The following ATP13A2 variants were observed in gnomAD, a reference collection of about 807,000 sequenced individuals.
ATP13A2 encodes the protein ATPase cation transporting 13A2, also known as polyamine-transporting ATPase 13A2.
ATP13A2 carries 83 observed loss-of-function variants against 138.3 expected under a neutral mutation model. That is an observed-to-expected ratio of 0.60 (90% CI 0.50 to 0.72). ATP13A2 has a LOEUF of 0.72. Among genes scored for constraint, ATP13A2 ranks in the 30% least tolerant of loss-of-function variants. The pLI, the probability that ATP13A2 is intolerant of heterozygous loss-of-function variation, is 0.00. For synonymous variants in ATP13A2, 663 were observed against 699.0 expected, an observed-to-expected ratio of 0.95 and a Z score of 0.81; for missense variants, 1,402 against 1,606.4, an observed-to-expected ratio of 0.87 and a Z score of 2.17.
chr1:16,998,307 C>T (rs2077219067), intron 11 of ATP13A2, among the ~76,000 whole-genome samples: 2 of 152,104 alleles, frequency 1.3e-5, no homozygotes, highest in Non-Finnish European at 1.5e-5. Flanking sequence ...TAGGCTCAAA[C>T]GATCCTCCCA....
At position 17,011,802 on chromosome 1, in the gene ATP13A2, G is replaced by T. The variant is rs1043446155; in HGVS notation, c.-64C>A. The T allele has an allele frequency of 3.9e-6, 5 of 1,268,990 alleles. No individual in the cohort carries two copies. In the African/African-American group the frequency reaches 8.0e-5, roughly 20 times the overall value. The allele number at this position is 1,268,990 out of a possible 1,614,324, so 78.6% of individuals were successfully genotyped here. On this transcript the variant is annotated 5_prime_UTR_variant, in exon 1 of 29. Coordinates refer to ENST00000326735, the MANE Select transcript of ATP13A2 (RefSeq NM_022089.4). This position sits in a 1 kb window ranked among gnomAD's most constrained non-coding sequence, Gnocchi z 7.3. ...GCCCTCGGCCTGGGCCCCGGCGTGC[G>T]CAAGGCCCTGGGCGGGGGCGCGGTC... is the stretch of plus-strand genomic sequence containing the variant.
At chr1:17,003,798 G>T (rs2077453303) in intron 6 of ATP13A2, among the ~76,000 whole-genome samples, 2 of 151,796 alleles carry the variant, frequency 1.3e-5, no homozygotes, top group Non-Finnish European at 2.9e-5. Context: ...CAAGTAGCTG[G>T]GATTACAGGC....
chr1:16,988,278 C>T, intron 24 of ATP13A2, 44 bp from the exon 25 acceptor site: 1 of 1,614,174 alleles, frequency 6.2e-7, no homozygotes. Flanking sequence ...GGTTGGCTGA[C>T]CAGCCCTGCT....
In ATP13A2 at chr1:16,989,932, G is replaced by T; in HGVS notation, c.2484C>A (p.Pro828=). The T allele has an allele frequency of 6.2e-7, 1 of 1,601,072 alleles. No individual in the cohort carries two copies. Among genetic ancestry groups the T allele is most frequent in the Non-Finnish European group, 8.5e-7 (1 of 1,173,782 alleles). ...PRSRHLALSG[P]TFGIIVKHFP... ...AGTGCTTCACAATGATACCAAAGGT[G>T]GGCCCGCTGAGGGCCAGGTGCCTGG... The change falls in exon 22 of 29, where the codon CCC becomes CCA. Residue 828 remains proline (P), a synonymous_variant. Coordinates refer to ENST00000326735, the MANE Select transcript of ATP13A2 (RefSeq NM_022089.4).
rs778906228 is a variant in ATP13A2, at chr1:16,989,740, T to C, written c.2560A>G (p.Met854Val). ...AGCTCTGTCTTCTGCTCAGGGGCCATGCGGGCAAAGACAGTGCCCTGGACC... is the reference window on the plus strand; with the variant it reads ...AGCTCTGTCTTCTGCTCAGGGGCCACGCGGGCAAAGACAGTGCCCTGGACC... ...VLVQGTVFAR[M>V]APEQKTELVC... Residue 854 changes from methionine to valine, a missense_variant, in exon 23 of 29, where the codon ATG becomes GTG. By Grantham distance (21) the Met-to-Val change is conservative. Transcript: ENST00000326735. 2 of 1,614,024 alleles carry C rather than the reference T, an allele frequency of 1.2e-6. No homozygotes were observed. Among genetic ancestry groups the C allele is most frequent in the Admixed American group, 1.7e-5 (1 of 60,016 alleles).
Position 17,005,392 on chromosome 1 carries a change from G to A in ATP13A2, c.270C>T (p.Ile90=), listed in dbSNP as rs1348572920. Residue 90 remains isoleucine, a synonymous_variant, in exon 3 of 29, where the codon ATC becomes ATT. Transcript: ENST00000326735. ...CNLAHAETLV[I]EIRDKEDSSW... is the part of the protein sequence containing the mutation. ...CTCTCACCTCTTTGTCTCTTATTTCGATAACGAGTGTTTCGGCGTGGGCCA... is the reference window on the plus strand; with the variant it reads ...CTCTCACCTCTTTGTCTCTTATTTCAATAACGAGTGTTTCGGCGTGGGCCA... The A allele has an allele frequency of 1.2e-6, 2 of 1,606,296 alleles. No homozygotes were observed. The highest frequency in any genetic ancestry group is 1.1e-5 in the South Asian group (1 of 90,172).
intron 11 of ATP13A2, among the ~76,000 whole-genome samples, chr1:16,998,938 CCT>C (rs2077239281): frequency 6.6e-6 from 1 of 152,090 alleles, no homozygotes. Context: ...CACCTCACAC[CCT>C]TCACAGTGGC....
rs774924482 is a variant in ATP13A2, at chr1:16,989,881, C to T, written c.2529+6G>A. 4 of 1,606,328 alleles carry T rather than the reference C, an allele frequency of 2.5e-6. No individual in the cohort carries two copies. The highest frequency in any genetic ancestry group is 1.1e-5 in the South Asian group (1 of 90,362). On this transcript the variant is annotated splice_donor_region_variant and intron_variant, in intron 22 of 28. Coordinates refer to ENST00000326735, the MANE Select transcript of ATP13A2 (RefSeq NM_022089.4). ...AGGGCGGCCAGGGAGCTGGGGGCGG[C>T]CCTACCTTGGGCAGCAGCTTGGGGA...
chr1:16,999,875 T>C, intron 11 of ATP13A2, 136 bp downstream of exon 11: 5 of 1,267,436 alleles, frequency 3.9e-6, no homozygotes, highest in Non-Finnish European at 5.3e-6. Context: ...CACTCCAGCC[T>C]GGACAACAGA....
intron 11 of ATP13A2, among the ~76,000 whole-genome samples, chr1:16,997,441 G>T (rs1404480939): frequency 7.3e-6 from 1 of 137,678 alleles, no homozygotes; most frequent in Non-Finnish European, 1.5e-5. Context: ...GACAGAGCAT[G>T]TGTGGGCATC....
At position 16,992,565 on chromosome 1, in the gene ATP13A2, G is replaced by T. The variant is rs758992649; in HGVS notation, c.1766C>A (p.Pro589Gln). Reference sequence around the variant, plus strand: ...GGTCCCAAATGCTGAGTCTGCAGCCGGCTCTTCCTCCAGGACCTGGCAGGC... The same window carrying T: ...GGTCCCAAATGCTGAGTCTGCAGCCTGCTCTTCCTCCAGGACCTGGCAGGC... ...ESTGWVLEEE[P>Q]AADSAFGTQV... Residue 589 changes from proline to glutamine, a missense_variant, in exon 17 of 29, where the codon CCG becomes CAG. Transcript: ENST00000326735. 1 of 1,614,098 alleles carries T rather than the reference G, an allele frequency of 6.2e-7. No homozygotes were observed. The highest frequency in any genetic ancestry group is 8.5e-7 in the Non-Finnish European group (1 of 1,180,030).
rs1038804165 is a variant in ATP13A2 at position 17,009,520 on chromosome 1, C to T, written c.10+2209G>A. Among the ~76,000 whole-genome samples the T allele has an allele frequency of 1.8e-4, 27 of 151,798 alleles. 1 individual carries two copies. Among genetic ancestry groups the T allele is most frequent in the East Asian group, 1.2e-3 (6 of 5,150 alleles). ...AAAGGAGGTACTCTTGCCTCTGCCT[C>T]CCAAGTAGCTGGCACTACAGGCAGG... On this transcript the variant is annotated intron_variant, in intron 1 of 28. Coordinates refer to ENST00000326735, the MANE Select transcript of ATP13A2 (RefSeq NM_022089.4).
chr1:16,993,293 G>C (rs773829828), intron 16 of ATP13A2, among the ~76,000 whole-genome samples: 3 of 152,158 alleles, frequency 2.0e-5, no homozygotes, highest in African/African-American at 7.2e-5. Flanking sequence ...ACAGCTCCCT[G>C]TAGCCTCGCC....
In ATP13A2 at chr1:17,000,109, G is replaced by T; in HGVS notation, c.941C>A (p.Pro314His). The T allele has an allele frequency of 6.2e-7, 1 of 1,613,490 alleles. No individual in the cohort carries two copies. Among genetic ancestry groups the T allele is most frequent in the South Asian group, 1.1e-5 (1 of 91,070 alleles). ...EEWVDSSELV[P>H]GDCLVLPQEG... is the part of the protein sequence containing the mutation. ...CTGGGGCAGCACCAGGCAGTCTCCG[G>T]GCACTAGCTCACTGGAGTCCACCCA... Residue 314 changes from proline to histidine, a missense_variant, in exon 11 of 29, where the codon CCC (proline) becomes CAC (histidine). By Grantham distance (77) the Pro-to-His change is moderately conservative. Coordinates refer to ENST00000326735, the MANE Select transcript of ATP13A2 (RefSeq NM_022089.4).
chr1:16,995,795 G>A lies in ATP13A2; in HGVS notation c.1542+181C>T. 1 of 794,622 alleles carries A rather than the reference G, an allele frequency of 1.3e-6. No homozygotes were observed. Among genetic ancestry groups the A allele is most frequent in the Non-Finnish European group, 2.1e-6 (1 of 472,262 alleles). The allele number at this position is 794,622 out of a possible 1,614,324, so 49.2% of individuals were successfully genotyped here. On this transcript the variant is annotated intron_variant, in intron 15 of 28. Transcript: ENST00000326735. The surrounding 1 kb of genome is among the most constrained non-coding windows in gnomAD (Gnocchi z 4.1). ...ATACATGATTCTAGACATTTCATCT[G>A]CCAGACCGTGAGCCCAGTGAGGGCA...
chr1:17,000,851 A>G, intron 8 of ATP13A2: 1 of 330,878 alleles, frequency 3.0e-6, no homozygotes, highest in Non-Finnish European at 5.7e-6. Flanking sequence ...CTGAGGTGGG[A>G]GGATCACTTA....
rs183842297 is a variant in ATP13A2 at position 16,993,861 on chromosome 1, G to C, written c.1543-26C>G. ...CTGTGGGAGACAGGTGGGTGGGGCA[G>C]CGATGAGTCCTGGGATGGGGGTACC... On this transcript the variant is annotated intron_variant, in intron 15 of 28. Coordinates refer to ENST00000326735, the MANE Select transcript of ATP13A2 (RefSeq NM_022089.4). 235 of 1,530,322 alleles carry C rather than the reference G, an allele frequency of 1.5e-4. 2 individuals carry two copies. In the East Asian group the frequency reaches 4.7e-3, roughly 31 times the overall value. The allele number at this position is 1,530,322 out of a possible 1,614,324, so 94.8% of individuals were successfully genotyped here. A position where few individuals can be genotyped will look rare whatever the true frequency, so the allele number is the denominator to read the frequency against.
rs971337693 is a variant in ATP13A2 at position 16,986,324 on chromosome 1, C to T, written c.3440G>A (p.Arg1147His). The stretch of plus-strand genomic sequence containing the variant: ...GGAGGCCCGCTTGGGCCGGAGGCGG[C>T]GCAGGCAGGCGGGGAGGCACTGGTC... ...VLDQCLPACL[R>H]RLRPKRASKK... Residue 1147 changes from arginine (R) to histidine (H), a missense_variant, in exon 29 of 29, where the codon CGC becomes CAC. Coordinates refer to ENST00000326735, the MANE Select transcript of ATP13A2 (RefSeq NM_022089.4). This position sits in a 1 kb window ranked among gnomAD's most constrained non-coding sequence, Gnocchi z 6.9. The T allele has an allele frequency of 6.3e-6, 10 of 1,583,670 alleles. No homozygotes were observed. The Admixed American group carries it at 9.2e-5, about 15-fold the overall frequency.
rs746563424 is a variant in ATP13A2 at position 16,992,392 on chromosome 1, G to A, written c.1856C>T (p.Pro619Leu). The stretch of plus-strand genomic sequence containing the variant: ...GCGGTGGAGGACGCTGACTGGCACC[G>A]GGGGCTCCTCCTGCAGGGTTGGAGA... ...EPQLQAMEEP[P>L]VPVSVLHRFP... Residue 619 changes from proline (P) to leucine (L), a missense_variant, in exon 18 of 29, where the codon CCG (proline) becomes CTG (leucine). Physicochemically the swap from Pro to Leu is moderately conservative, Grantham distance 98. Coordinates refer to ENST00000326735, the MANE Select transcript of ATP13A2 (RefSeq NM_022089.4). 31 of 1,613,512 alleles carry A rather than the reference G, an allele frequency of 1.9e-5. No homozygotes were observed. The highest frequency in any genetic ancestry group is 3.3e-4 in the Middle Eastern group (2 of 6,084).
Sources: allele counts gnomAD v4.1 joint callset (sites outside exome capture counted in the v4.1 genomes callset), GRCh38; gene constraint gnomAD v4.1.1; non-coding constraint Gnocchi (gnomAD v3.1); transcripts MANE v1.5; gene names NCBI Gene and HGNC (gene_info 2026-07-23, HGNC 2026-07-21).